MGAT4C: variants seen among roughly 807,000 people sequenced by gnomAD.
The protein encoded by MGAT4C is MGAT4 family member C.
In MGAT4C, 19 loss-of-function variants were observed where a neutral mutation model predicts 40.1. That is an observed-to-expected ratio of 0.47 (90% CI 0.33 to 0.70). The LOEUF is 0.70. Among genes scored for constraint, MGAT4C ranks in the 30% least tolerant of loss-of-function variants. MGAT4C has a pLI of 0.02. For missense variants in MGAT4C, 491 were observed against 563.2 expected (o/e 0.87, Z 1.30); for synonymous variants, 181 against 187.1 (o/e 0.97, Z 0.27).
At chr12:86,075,311 G>T (rs547615602) in intron 1 of MGAT4C, among the ~76,000 whole-genome samples, 5 of 152,136 alleles carry the variant, frequency 3.3e-5, no homozygotes, top group African/African-American at 1.2e-4. Flanking sequence ...TTGACTCCAG[G>T]TCTCACATCC....
chr12:86,074,174 C>A (rs1364505731), intron 1 of MGAT4C, among the ~76,000 whole-genome samples: 1 of 152,106 alleles, frequency 6.6e-6, no homozygotes, highest in Non-Finnish European at 1.5e-5. Flanking sequence ...TAAGAAGTGC[C>A]TTTCACTTCC....
chr12:86,635,347 G>T (rs916722795), intron 2 of MGAT4C, among the ~76,000 whole-genome samples: 1 of 152,048 alleles, frequency 6.6e-6, no homozygotes, highest in African/African-American at 2.4e-5. Flanking sequence ...ACAAGTGAGG[G>T]CATAAATTCC....
intron 1 of MGAT4C, among the ~76,000 whole-genome samples, chr12:86,210,197 T>C (rs1169002413): frequency 6.6e-6 from 1 of 152,210 alleles, no homozygotes; most frequent in East Asian, 1.9e-4. Flanking sequence ...GTAGTTTTTT[T>C]CAACGGATAT....
intron 2 of MGAT4C, among the ~76,000 whole-genome samples, chr12:85,990,177 T>A (rs1258080717): frequency 6.6e-6 from 1 of 152,116 alleles, no homozygotes; most frequent in African/African-American, 2.4e-5. Context: ...ATATTAACAT[T>A]TCCTTGATAT....
chr12:86,828,986 A>G (rs1365551933), intron 1 of MGAT4C, among the ~76,000 whole-genome samples: 1 of 151,612 alleles, frequency 6.6e-6, no homozygotes, highest in African/African-American at 2.4e-5. Flanking sequence ...AAAGAATTCT[A>G]TGGTATATAA....
chr12:86,741,123 T>G (rs1951061803), intron 1 of MGAT4C, among the ~76,000 whole-genome samples: 1 of 151,092 alleles, frequency 6.6e-6, no homozygotes, highest in Non-Finnish European at 1.5e-5. Context: ...GTTCCTGGTT[T>G]ATTCACTTAG....
intron 1 of MGAT4C, among the ~76,000 whole-genome samples, chr12:86,096,622 G>A (rs1873973932): frequency 6.6e-6 from 1 of 150,994 alleles, no homozygotes; most frequent in Admixed American, 6.6e-5. Context: ...ATTTGTCATT[G>A]AGTTTTTCTA....
At chr12:86,009,798 C>T (rs1437842600) in intron 2 of MGAT4C, among the ~76,000 whole-genome samples, 1 of 152,110 alleles carries the variant, frequency 6.6e-6, no homozygotes, top group African/African-American at 2.4e-5. Flanking sequence ...AAACGTTGCT[C>T]CATTATTGTC....
chr12:86,390,482 T>A (rs1956143779), intron 3 of MGAT4C, among the ~76,000 whole-genome samples: 1 of 152,170 alleles, frequency 6.6e-6, no homozygotes. Flanking sequence ...ATACTTTATA[T>A]GATATTTAAA....
intron 2 of MGAT4C, among the ~76,000 whole-genome samples, chr12:86,443,206 A>G (rs1957266415): frequency 7.6e-6 from 1 of 130,942 alleles, no homozygotes; most frequent in Admixed American, 7.8e-5. Flanking sequence ...GTATATATAT[A>G]CACACACACA....
chr12:86,293,297 A>T (rs1953573440), intron 4 of MGAT4C, among the ~76,000 whole-genome samples: 1 of 152,212 alleles, frequency 6.6e-6, no homozygotes. Context: ...TGATAAACAG[A>T]GTCAATAGTG....
At chr12:86,260,266 C>T (rs1414535628), upstream of MGAT4C, among the ~76,000 whole-genome samples, 1 of 152,136 alleles carries the variant, frequency 6.6e-6, no homozygotes, top group Non-Finnish European at 1.5e-5. Flanking sequence ...CTCCCACCCA[C>T]CTTTTATTGT....
At chr12:86,452,847 T>C (rs1957449252) in intron 2 of MGAT4C, among the ~76,000 whole-genome samples, 1 of 152,150 alleles carries the variant, frequency 6.6e-6, no homozygotes, top group African/African-American at 2.4e-5. Context: ...TCAGACTTTC[T>C]GTCCAAGCCA....
chr12:86,100,835 G>A (rs902596538), intron 1 of MGAT4C, among the ~76,000 whole-genome samples: 3 of 151,412 alleles, frequency 2.0e-5, no homozygotes, highest in African/African-American at 7.3e-5. Flanking sequence ...ACTGGGGCTA[G>A]CACAGTAATT....
intron 1 of MGAT4C, among the ~76,000 whole-genome samples, chr12:86,181,649 A>C (rs1215571757): frequency 6.6e-6 from 1 of 152,182 alleles, no homozygotes; most frequent in African/African-American, 2.4e-5. Flanking sequence ...ATTATGAAAA[A>C]CATCACTTTT....
chr12:86,724,613 T>C (rs1166047772), intron 2 of MGAT4C, among the ~76,000 whole-genome samples: 6 of 152,204 alleles, frequency 3.9e-5, no homozygotes, highest in Admixed American at 2.0e-4. Context: ...GAGTGACATA[T>C]TGGTTCATTC....
At chr12:86,703,844 G>T (rs1950406925) in intron 2 of MGAT4C, among the ~76,000 whole-genome samples, 1 of 151,976 alleles carries the variant, frequency 6.6e-6, no homozygotes, top group Non-Finnish European at 1.5e-5. Context: ...TATAACTCTG[G>T]CTAACTTCAT....
intron 4 of MGAT4C, among the ~76,000 whole-genome samples, chr12:86,281,477 C>T (rs1004250363): frequency 1.6e-5 from 2 of 125,132 alleles, no homozygotes; most frequent in Non-Finnish European, 3.8e-5. Context: ...CAAAATGTAT[C>T]ATCATTTTTA....
intron 1 of MGAT4C, among the ~76,000 whole-genome samples, chr12:86,186,537 G>C (rs1241276568): frequency 6.6e-6 from 1 of 152,202 alleles, no homozygotes; most frequent in South Asian, 2.1e-4. Context: ...AAAACAAATT[G>C]CTCATTACCC....
Sources: gnomAD v4.1 joint callset for allele counts (sites outside exome capture counted in the v4.1 genomes callset) on GRCh38, gnomAD v4.1.1 for gene constraint, MANE v1.5 for transcripts, NCBI Gene and HGNC (gene_info 2026-07-23, HGNC 2026-07-21) for gene names.